HMCN1: variants seen among roughly 807,000 people sequenced by gnomAD.
HMCN1 encodes the protein hemicentin-1.
HMCN1 carries 321 observed loss-of-function variants against 625.9 expected under a neutral mutation model. The observed-to-expected ratio is 0.51, with a 90% CI of 0.47 to 0.56. HMCN1 has a LOEUF of 0.56. Among genes scored for constraint, HMCN1 ranks in the 20% least tolerant of loss-of-function variants. The pLI is 0.00. For synonymous variants in HMCN1, 2,425 were observed against 2,417.6 expected, an observed-to-expected ratio of 1.00 and a Z score of -0.09; for missense variants, 6,588 against 6,887.3, an observed-to-expected ratio of 0.96 and a Z score of 1.54.
Position 186,123,200 on chromosome 1 carries a change from G to A in HMCN1, c.12479G>A (p.Ser4160Asn). 3.7e-6 allele frequency: 6 copies of A among 1,613,832 alleles called. No homozygotes were observed. The highest frequency in any genetic ancestry group is 5.1e-6 in the Non-Finnish European group (6 of 1,179,866). The change falls in exon 81 of 107, where the codon AGC becomes AAC. Residue 4160 changes from serine to asparagine, a missense_variant. Transcript: ENST00000271588. ...AANVAGSSST[S>N]TKLTVHVPPR... ...AATGTAGCAGGATCAAGCAGCACAA[G>A]CACCAAGCTCACCGTCCATGGTAGG...
At chr1:186,114,681 G>A in intron 73 of HMCN1, 138 bp from the exon 74 acceptor site, 3 of 959,062 alleles carry the variant, frequency 3.1e-6, no homozygotes, top group South Asian at 2.7e-5. Flanking sequence ...TTCCACCAAG[G>A]GTATCATAAA....
At chr1:186,112,320 T>C in intron 71 of HMCN1, among the ~76,000 whole-genome samples, 1 of 152,246 alleles carries the variant, frequency 6.6e-6, no homozygotes. Context: ...AAAGGAAATT[T>C]ATTGGCTACA....
Position 186,125,769 on chromosome 1 carries a change from G to A in HMCN1, c.12665G>A (p.Gly4222Glu). 1 of 1,613,162 alleles carries A rather than the reference G, an allele frequency of 6.2e-7. No individual in the cohort carries two copies. Among genetic ancestry groups the A allele is most frequent in the Non-Finnish European group, 8.5e-7 (1 of 1,179,294 alleles). The change falls in exon 82 of 107, where the codon GGA becomes GAA. Residue 4222 changes from glycine (G) to glutamate (E), a missense_variant. By Grantham distance (98) the Gly-to-Glu change is moderately conservative (BLOSUM62 -2). Around this residue, in one of 3 missense-constraint regions of HMCN1, gnomAD observed 1,954 missense variants for 2,013.1 expected, o/e 0.97. Coordinates refer to ENST00000271588, the MANE Select transcript of HMCN1 (RefSeq NM_031935.3). ...LLGKYTAEPY[G>E]ELILENVVLE... The stretch of plus-strand genomic sequence containing the variant: ...GGAAAATACACTGCTGAACCATATG[G>A]AGAACTCATTTTAGAAAATGTTGTG...
At chr1:186,154,964 A>G (rs1340287163) in intron 97 of HMCN1, among the ~76,000 whole-genome samples, 1 of 152,154 alleles carries the variant, frequency 6.6e-6, no homozygotes, top group Admixed American at 6.6e-5. Context: ...TAGTCCTGTT[A>G]GACATTAAAT....
chr1:185,975,492 A>AGG (rs772200541), intron 15 of HMCN1, among the ~76,000 whole-genome samples: 16 of 152,196 alleles, frequency 1.1e-4, no homozygotes, highest in East Asian at 7.7e-4. Flanking sequence ...GAGAACAGCA[A>AGG]GGGGGCAATC....
intron 28 of HMCN1, among the ~76,000 whole-genome samples, chr1:186,003,435 C>T (rs1047373517): frequency 6.6e-6 from 1 of 152,102 alleles, no homozygotes; most frequent in East Asian, 1.9e-4. Context: ...ACATTCTAAA[C>T]TACTTTTGCA....
At position 186,093,143 on chromosome 1, in the gene HMCN1, A is replaced by G; in HGVS notation, c.9897A>G (p.Ala3299=). 6.2e-7 allele frequency: 1 copy of G among 1,613,348 alleles called. No individual in the cohort carries two copies. Among genetic ancestry groups the G allele is most frequent in the Non-Finnish European group, 8.5e-7 (1 of 1,179,520 alleles). The part of the protein sequence containing the change: ...SGETERIRVS[A]NGSTLNIYGA... ...ATGATCTTTTCCGTAGAGTGAGTGC[A>G]AATGGCAGCACATTAAACATTTATG... is the stretch of plus-strand genomic sequence containing the variant. Residue 3299 remains alanine, a synonymous_variant, in exon 65 of 107, where the codon GCA becomes GCG. Coordinates refer to ENST00000271588, the MANE Select transcript of HMCN1 (RefSeq NM_031935.3).
intron 4 of HMCN1, among the ~76,000 whole-genome samples, chr1:185,873,682 A>G (rs372148065): frequency 9.9e-5 from 15 of 152,088 alleles, no homozygotes; most frequent in East Asian, 5.8e-4. Context: ...TAAGCAACTA[A>G]CTCTCACAGA....
At chr1:186,055,766 T>C in intron 45 of HMCN1, 92 bp downstream of exon 45, 1 of 1,239,460 alleles carries the variant, frequency 8.1e-7, no homozygotes. Flanking sequence ...CTGAAAGTCA[T>C]TTATTTATAA....
chr1:186,073,167 G>A lies in HMCN1; in HGVS notation c.8140-1574G>A, dbSNP rs77574417. 2.0e-5 allele frequency among the ~76,000 whole-genome samples: 3 copies of A among 152,216 alleles called. No homozygotes were observed. The East Asian group carries it at 5.8e-4, about 29-fold the overall frequency. On this transcript the variant is annotated intron_variant, in intron 52 of 106. Coordinates refer to ENST00000271588, the MANE Select transcript of HMCN1 (RefSeq NM_031935.3). ...CCTGTATTTAAAGTTGGGGAGCAGG[G>A]AGCGTAGTGTCCCAAAAGATAAGTG...
Position 186,114,828 on chromosome 1 carries a change from C to T in HMCN1, c.11286C>T (p.Ile3762=), listed in dbSNP as rs774038289. Residue 3762 remains isoleucine, a synonymous_variant, in exon 74 of 107, where the codon ATC becomes ATT. Transcript: ENST00000271588. ...GTGATTTCTCTTGTAGATATTCCAT[C>T]TTGGAAAATGGATTCCTTCATATTC... ...VLAGNHARYS[I]LENGFLHIQS... 6.2e-7 allele frequency: 1 copy of T among 1,614,116 alleles called. No homozygotes were observed. Among genetic ancestry groups the T allele is most frequent in the Non-Finnish European group, 8.5e-7 (1 of 1,179,972 alleles).
intron 4 of HMCN1, among the ~76,000 whole-genome samples, chr1:185,886,155 A>G (rs937886148): frequency 8.6e-5 from 13 of 152,012 alleles, no homozygotes; most frequent in African/African-American, 3.1e-4. Flanking sequence ...CTTCCAATAG[A>G]ATATGCAGGG....
intron 1 of HMCN1, among the ~76,000 whole-genome samples, chr1:185,780,679 T>C (rs1323582069): frequency 2.0e-5 from 3 of 152,244 alleles, no homozygotes; most frequent in Admixed American, 6.5e-5. Flanking sequence ...GAACCAGCCT[T>C]GCATCACAGG....
At chr1:185,911,923 G>A in intron 6 of HMCN1, 143 bp downstream of exon 6, 1 of 687,290 alleles carries the variant, frequency 1.5e-6, no homozygotes, top group Non-Finnish European at 2.6e-6. Flanking sequence ...ATAGGTGTTT[G>A]TAGGTGTCTT....
At chr1:186,114,770 A>C in intron 73 of HMCN1, 49 bp from the exon 74 acceptor site, 1 of 1,610,522 alleles carries the variant, frequency 6.2e-7, no homozygotes, top group Non-Finnish European at 8.5e-7. Context: ...AAATATGAAC[A>C]ATCAAAAAAG....
Position 186,081,398 on chromosome 1 carries a change from A to G in HMCN1, c.8787+4A>G, listed in dbSNP as rs996129172. 3.1e-6 allele frequency: 5 copies of G among 1,598,336 alleles called. No homozygotes were observed. Among genetic ancestry groups the G allele is most frequent in the Non-Finnish European group, 4.3e-6 (5 of 1,166,018 alleles). ...ATCTAATGGACGAATTCTGCAGGTA[A>G]AAGTAAAGAAAGATCTAATTTTAAA... On this transcript the variant is annotated splice_donor_region_variant and intron_variant, in intron 56 of 106. Coordinates refer to ENST00000271588, the MANE Select transcript of HMCN1 (RefSeq NM_031935.3).
chr1:185,994,244 G>T (rs185221784), intron 23 of HMCN1, among the ~76,000 whole-genome samples: 2 of 152,110 alleles, frequency 1.3e-5, no homozygotes, highest in African/African-American at 4.8e-5. Flanking sequence ...ATCATTTGCT[G>T]GTGTTTTGAT....
chr1:185,875,008 TTAAA>T (rs1418528639), intron 4 of HMCN1, among the ~76,000 whole-genome samples: 1 of 151,812 alleles, frequency 6.6e-6, no homozygotes, highest in Non-Finnish European at 1.5e-5. Context: ...TACAATAAAT[TTAAA>T]TAATAAATAA....
chr1:186,108,852 A>C (rs952332759), intron 71 of HMCN1, among the ~76,000 whole-genome samples: 1 of 152,204 alleles, frequency 6.6e-6, no homozygotes, highest in Non-Finnish European at 1.5e-5. Flanking sequence ...AATTTGCCAA[A>C]GTTTGTATTT....
Sources: gnomAD v4.1 joint callset for allele counts (sites outside exome capture counted in the v4.1 genomes callset) on GRCh38, gnomAD v4.1.1 for gene constraint, gnomAD v4.1.1 regional missense constraint, MANE v1.5 for transcripts, NCBI Gene and HGNC (gene_info 2026-07-23, HGNC 2026-07-21) for gene names.